Variants in TRMT11 observed in about 807,000 individuals in gnomAD.
TRMT11 encodes the protein tRNA methyltransferase 11, also known as tRNA (guanine(10)-N(2))-methyltransferase TRMT11.
Under a neutral mutation model 62.8 loss-of-function variants are expected in TRMT11, and 53 were observed. That is an observed-to-expected ratio of 0.84 (90% confidence interval 0.68 to 1.06). The LOEUF (loss-of-function observed/expected upper bound fraction) is 1.06. TRMT11 is among the 50% of genes least tolerant of loss of function. TRMT11 has a pLI of 0.00. For missense variants in TRMT11, 556 were observed against 553.4 expected, an observed-to-expected ratio of 1.00 and a Z score of -0.05; for synonymous variants, 188 against 190.3, an observed-to-expected ratio of 0.99 and a Z score of 0.10.
At chr6:126,017,746 A>G (rs1028114515) in intron 11 of TRMT11, among the ~76,000 whole-genome samples, 4 of 152,218 alleles carry the variant, frequency 2.6e-5, no homozygotes, top group Admixed American at 2.6e-4. Flanking sequence ...TTTACTGCTT[A>G]TAGAGACTTA....
chr6:126,193,720 C>T (rs920673090), intron 1 of TRMT11, among the ~76,000 whole-genome samples: 1 of 151,860 alleles, frequency 6.6e-6, no homozygotes, highest in Non-Finnish European at 1.5e-5. Context: ...TTCTTGATCT[C>T]CTGACCTCGT....
upstream of TRMT11, among the ~76,000 whole-genome samples, chr6:126,172,865 G>A (rs1013270571): frequency 1.3e-5 from 2 of 152,328 alleles, no homozygotes; most frequent in Admixed American, 1.3e-4. Context: ...GCATATAGAT[G>A]AGGTGAGGAT....
intron 17 of TRMT11, among the ~76,000 whole-genome samples, chr6:126,080,080 C>G (rs1777125859): frequency 6.6e-6 from 1 of 150,540 alleles, no homozygotes; most frequent in Admixed American, 6.6e-5. Context: ...AAAACCAACT[C>G]TAGTTCTGTT....
At chr6:125,996,938 C>T (rs148834640) in intron 3 of TRMT11, among the ~76,000 whole-genome samples, 47 of 152,176 alleles carry the variant, frequency 3.1e-4, no homozygotes, top group African/African-American at 1.1e-3. Flanking sequence ...CAGTGAAGGT[C>T]GTTAACAGGC....
At chr6:126,055,326 C>G (rs979828674) in intron 17 of TRMT11, among the ~76,000 whole-genome samples, 3 of 152,204 alleles carry the variant, frequency 2.0e-5, no homozygotes, top group Admixed American at 6.5e-5. Flanking sequence ...ATGGAATCCT[C>G]TAGCCCTTGC....
At chr6:126,091,389 A>C (rs1583872268) in intron 17 of TRMT11, among the ~76,000 whole-genome samples, 1 of 152,160 alleles carries the variant, frequency 6.6e-6, no homozygotes, top group Non-Finnish European at 1.5e-5. Context: ...TGTTCAAATA[A>C]GGCAAATGTC....
Position 126,189,636 on chromosome 6 carries a change from G to T in TRMT11, n.144-9163G>T, listed in dbSNP as rs978954914. Among the ~76,000 whole-genome samples, 3 of 152,054 alleles carry T rather than the reference G, an allele frequency of 2.0e-5. No homozygotes were observed. In the South Asian group the frequency reaches 6.2e-4, roughly 32 times the overall value. ...TTATGGCCAATAAACATAAAAATAG[G>T]TTTCACTTTGCCTATAGTACATGTC... On this transcript the variant is annotated intron_variant and non_coding_transcript_variant, in intron 1 of 3. Coordinates refer to the TRMT11 transcript ENST00000444229.
chr6:126,213,215 T>TTTTG, the TRMT11 span, among the ~76,000 whole-genome samples: 2 of 151,994 alleles, frequency 1.3e-5, no homozygotes, highest in African/African-American at 2.4e-5. Flanking sequence ...ATTACTCCAG[T>TTTTG]TTTGTTCTTT....
chr6:126,181,617 G>T (rs758640267), intron 1 of TRMT11, among the ~76,000 whole-genome samples: 2 of 152,164 alleles, frequency 1.3e-5, no homozygotes, highest in Non-Finnish European at 2.9e-5. Flanking sequence ...GGTGAACTCT[G>T]ATTTAAAAGA....
intron 21 of TRMT11, among the ~76,000 whole-genome samples, chr6:126,139,995 T>TAAG (rs1777899358): frequency 6.6e-6 from 1 of 152,134 alleles, no homozygotes; most frequent in African/African-American, 2.4e-5. Context: ...TTCCTTACTT[T>TAAG]AAGAAATTAC....
At chr6:126,017,028 G>C (rs973146085) in intron 11 of TRMT11, among the ~76,000 whole-genome samples, 1 of 152,134 alleles carries the variant, frequency 6.6e-6, no homozygotes, top group Admixed American at 6.5e-5. Context: ...AGATGAATTT[G>C]AGTCTAAAGT....
intron 21 of TRMT11, among the ~76,000 whole-genome samples, chr6:126,167,271 G>A (rs1008314957): frequency 6.6e-6 from 1 of 152,210 alleles, no homozygotes; most frequent in African/African-American, 2.4e-5. Flanking sequence ...CTCCTGGTCT[G>A]TGGGTTGCGA....
At chr6:126,186,910 AT>A (rs1778534218) in intron 1 of TRMT11, among the ~76,000 whole-genome samples, 1 of 152,102 alleles carries the variant, frequency 6.6e-6, no homozygotes, top group Admixed American at 6.6e-5. Context: ...TCCAACTTTT[AT>A]AAAAAGTCAA....
At chr6:126,112,267 C>A (rs1273885837) in intron 17 of TRMT11, among the ~76,000 whole-genome samples, 1 of 152,138 alleles carries the variant, frequency 6.6e-6, no homozygotes, top group Admixed American at 6.6e-5. Context: ...ACTGAGCCTG[C>A]ATAAACTCCC....
intron 17 of TRMT11, among the ~76,000 whole-genome samples, chr6:126,097,371 A>G (rs1250300203): frequency 6.6e-6 from 1 of 152,204 alleles, no homozygotes; most frequent in Non-Finnish European, 1.5e-5. Flanking sequence ...AAGACCATAC[A>G]GTAATAAATG....
At chr6:126,214,396 A>G in the TRMT11 span, among the ~76,000 whole-genome samples, 2 of 151,952 alleles carry the variant, frequency 1.3e-5, no homozygotes, top group African/African-American at 4.8e-5. Flanking sequence ...ACTTTTTATT[A>G]CAGTCTCAAT....
chr6:126,169,444 A>G (rs1778305873), intron 21 of TRMT11, among the ~76,000 whole-genome samples: 1 of 152,234 alleles, frequency 6.6e-6, no homozygotes, highest in Non-Finnish European at 1.5e-5. Flanking sequence ...AGTGTTACCC[A>G]TGTCGAAAAG....
the TRMT11 span, among the ~76,000 whole-genome samples, chr6:126,227,786 T>C: frequency 6.6e-6 from 1 of 152,224 alleles, no homozygotes; most frequent in Non-Finnish European, 1.5e-5. Context: ...TGTCTCTTTC[T>C]ATCATACCTC....
chr6:126,162,392 G>A (rs1355679957), intron 21 of TRMT11, among the ~76,000 whole-genome samples: 2 of 152,086 alleles, frequency 1.3e-5, no homozygotes, highest in South Asian at 2.1e-4. Context: ...TGTTATTTTC[G>A]AGGCCTCTGT....
Sources: gnomAD v4.1 joint callset for allele counts (sites outside exome capture counted in the v4.1 genomes callset) on GRCh38, gnomAD v4.1.1 for gene constraint, MANE v1.5 for transcripts, NCBI Gene and HGNC (gene_info 2026-07-23, HGNC 2026-07-21) for gene names.